BSN: variants seen among roughly 807,000 people sequenced by gnomAD.
BSN encodes the protein protein bassoon.
BSN carries 57 observed loss-of-function variants against 264.8 expected under a neutral mutation model. That is an observed-to-expected ratio of 0.22 (90% CI 0.17 to 0.27). The LOEUF is 0.27. Ranked by LOEUF, BSN falls within the 10% of genes least tolerant of loss-of-function variation. The pLI is 1.00. For synonymous variants in BSN, 2,059 were observed against 2,137.3 expected (o/e 0.96, Z 1.01); for missense variants, 4,615 against 5,232.5 (o/e 0.88, Z 3.64).
At chr3:49,608,606 G>A (rs1444179684) in intron 1 of BSN, among the ~76,000 whole-genome samples, 1 of 151,864 alleles carries the variant, frequency 6.6e-6, no homozygotes, top group Non-Finnish European at 1.5e-5. Flanking sequence ...GAGGTGGGTG[G>A]ATCACGAGGT....
intron 1 of BSN, among the ~76,000 whole-genome samples, chr3:49,616,050 T>C (rs549428500): frequency 6.6e-6 from 1 of 152,296 alleles, no homozygotes; most frequent in South Asian, 2.1e-4. Flanking sequence ...TTATAAAAAA[T>C]ATGCATTTAT....
chr3:49,661,177 C>G lies in BSN; in HGVS notation c.9332C>G (p.Ala3111Gly). 6.2e-7 allele frequency: 1 copy of G among 1,613,584 alleles called. No homozygotes were observed. The highest frequency in any genetic ancestry group is 1.1e-5 in the South Asian group (1 of 91,082). ...PAEPGLPNQQ[A>G]FRPTGHYAGQ... ...GAGCCTGGCCTGCCAAACCAGCAGG[C>G]TTTCCGCCCCACAGGCCACTATGCA... is the stretch of plus-strand genomic sequence containing the variant. The change falls in exon 6 of 12, where the codon GCT becomes GGT. Residue 3111 changes from alanine to glycine, a missense_variant. Ala to Gly is a moderately conservative substitution (Grantham distance 60, BLOSUM62 0). Transcript: ENST00000296452.
In BSN at chr3:49,642,886, G is replaced by T. The variant is rs1339737917; in HGVS notation, c.1252G>T (p.Ala418Ser). ...PAPGAKTEPG[A>S]RMGPGSGPGA... ...ACCTGGAGCCAAAACTGAGCCTGGG[G>T]CTAGAATGGGTCCTGGATCTGGACC... Residue 418 changes from alanine to serine, a missense_variant, in exon 3 of 12, where the codon GCT (alanine) becomes TCT (serine). Transcript: ENST00000296452. The surrounding 1 kb of genome is among the most constrained non-coding windows in gnomAD (Gnocchi z 7.0). The T allele has an allele frequency of 2.5e-6, 4 of 1,613,752 alleles. No individual in the cohort carries two copies. The highest frequency in any genetic ancestry group is 3.4e-6 in the Non-Finnish European group (4 of 1,180,018).
chr3:49,658,512 T>A (rs1269420271), intron 5 of BSN, among the ~76,000 whole-genome samples: 1 of 152,186 alleles, frequency 6.6e-6, no homozygotes, highest in Non-Finnish European at 1.5e-5. Flanking sequence ...TACCTCCCCC[T>A]TTAGGCCTCT....
chr3:49,646,709 C>G (rs2052505427), intron 3 of BSN, among the ~76,000 whole-genome samples: 1 of 152,202 alleles, frequency 6.6e-6, no homozygotes, highest in Non-Finnish European at 1.5e-5. Flanking sequence ...CCATGAGCCC[C>G]TATCTGGGTG....
intron 10 of BSN, 76 bp from the exon 11 acceptor site, chr3:49,665,153 A>G: frequency 3.3e-6 from 1 of 306,480 alleles, no homozygotes; most frequent in Non-Finnish European, 6.0e-6. Context: ...CTCTCACAGC[A>G]CTGGGCTGGC....
In BSN at chr3:49,638,587, C is replaced by T. The variant is rs547984232; in HGVS notation, c.634-3681C>T. 1.3e-5 allele frequency among the ~76,000 whole-genome samples: 2 copies of T among 152,276 alleles called. No individual in the cohort carries two copies. The highest frequency in any genetic ancestry group is 4.1e-4 in the South Asian group (2 of 4,832). On this transcript the variant is annotated intron_variant, in intron 2 of 11. Coordinates refer to ENST00000296452, the MANE Select transcript of BSN (RefSeq NM_003458.4). This position sits in a 1 kb window ranked among gnomAD's most constrained non-coding sequence, Gnocchi z 4.3. The stretch of plus-strand genomic sequence containing the variant: ...GGAGGGTGCGGTCAAGGTTCCTTAC[C>T]GTCTGGAAGAGGCTGGATAGAAATA...
intron 2 of BSN, among the ~76,000 whole-genome samples, chr3:49,630,963 C>G (rs2052380285): frequency 6.6e-6 from 1 of 152,080 alleles, no homozygotes; most frequent in African/African-American, 2.4e-5. Flanking sequence ...TTATTTTGCT[C>G]AGCCTTTGGC....
chr3:49,604,638 CT>C (rs1252384414), intron 1 of BSN, among the ~76,000 whole-genome samples: 2 of 152,046 alleles, frequency 1.3e-5, no homozygotes, highest in Non-Finnish European at 2.9e-5. Context: ...TTGCTTTCAC[CT>C]TTTGGCTAGT....
At position 49,606,326 on chromosome 3, in the gene BSN, T is replaced by TATATATAATATATATTAAAAAA. The variant is rs1559603757; in HGVS notation, c.225-18642_225-18641insATATATATTAAAAAAATATATA. Among the ~76,000 whole-genome samples the TATATATAATATATATTAAAAAA allele has an allele frequency of 3.6e-4, 17 of 46,706 alleles. 1 individual carries two copies. Among genetic ancestry groups the TATATATAATATATATTAAAAAA allele is most frequent in the African/African-American group, 9.4e-4 (17 of 18,000 alleles). The allele number at this position is 46,706 out of a possible 152,430, so 30.6% of individuals were successfully genotyped here. ...AAATATATATAATATATATTAAAAATATATATATATTTTTGGCATGACTCT... is the reference window on the plus strand; with the variant it reads ...AAATATATATAATATATATTAAAAATATATATAATATATATTAAAAAAATATATATATTTTTGGCATGACTCT... On this transcript the variant is annotated intron_variant, in intron 1 of 11. Coordinates refer to ENST00000296452, the MANE Select transcript of BSN (RefSeq NM_003458.4).
rs532459509 is a variant in BSN at position 49,660,426 on chromosome 3, C to T, written c.8641-60C>T. ...CCCAGGCCTGGGTTCTGCCACCCCA[C>T]ACCCCATCAAGTCACCACACCTTGG... On this transcript the variant is annotated intron_variant, in intron 5 of 11. Transcript: ENST00000296452. The surrounding 1 kb of genome is among the most constrained non-coding windows in gnomAD (Gnocchi z 7.1). 166 of 1,511,080 alleles carry T rather than the reference C, an allele frequency of 1.1e-4. No individual in the cohort carries two copies. In the East Asian group the frequency reaches 2.7e-3, roughly 24 times the overall value. 93.6% of individuals were successfully genotyped at this position (1,511,080 alleles called of 1,614,324 possible).
rs2051649615 is a variant in BSN, at chr3:49,554,678, G to C, written c.76G>C (p.Gly26Arg). Residue 26 changes from glycine (G) to arginine (R), a missense_variant, in exon 1 of 12, where the codon GGC becomes CGC. By Grantham distance (125) the Gly-to-Arg change is moderately radical (BLOSUM62 -2). This residue lies in a region of BSN where 1,197 missense variants were observed against 1,348.0 expected (regional missense o/e 0.89). Coordinates refer to ENST00000296452, the MANE Select transcript of BSN (RefSeq NM_003458.4). Reference sequence around the variant, plus strand: ...GCCCGGCGGCGCCGGCCCCGGCCCGGGCCCCGGCCCCGGCCCCGGCGCAGG... The same window carrying C: ...GCCCGGCGGCGCCGGCCCCGGCCCGCGCCCCGGCCCCGGCCCCGGCGCAGG... ...LPPGGAGPGP[G>R]PGPGPGAGKP... 9.7e-7 allele frequency: 1 copy of C among 1,025,700 alleles called. No individual in the cohort carries two copies. The highest frequency in any genetic ancestry group is 1.2e-6 in the Non-Finnish European group (1 of 855,650). The allele number at this position is 1,025,700 out of a possible 1,614,324, so 63.5% of individuals were successfully genotyped here. A position where few individuals can be genotyped will look rare whatever the true frequency, so the allele number is the denominator to read the frequency against.
At position 49,650,745 on chromosome 3, in the gene BSN, C is replaced by A; in HGVS notation, c.1652C>A (p.Ser551Tyr). 1.2e-6 allele frequency: 2 copies of A among 1,613,610 alleles called. No individual in the cohort carries two copies. Among genetic ancestry groups the A allele is most frequent in the Admixed American group, 1.7e-5 (1 of 59,986 alleles). The stretch of plus-strand genomic sequence containing the variant: ...GCCCCTCACCGTGCATCTGGAACAT[C>A]CCCTCTGAAGCAGAAAGGGCCACAG... ...VGAPHRASGT[S>Y]PLKQKGPQGL... is the part of the protein sequence containing the mutation. Residue 551 changes from serine (S) to tyrosine (Y), a missense_variant, in exon 4 of 12, where the codon TCC (serine) becomes TAC (tyrosine). This residue lies in a region of BSN where 1,197 missense variants were observed against 1,348.0 expected (regional missense o/e 0.89). Coordinates refer to ENST00000296452, the MANE Select transcript of BSN (RefSeq NM_003458.4).
chr3:49,556,465 G>A (rs796869558), intron 1 of BSN, among the ~76,000 whole-genome samples: 3 of 152,284 alleles, frequency 2.0e-5, no homozygotes, highest in South Asian at 4.1e-4. Context: ...TGGGTGAGGC[G>A]AACCACGGAC....
At chr3:49,562,976 C>T (rs889285317) in intron 1 of BSN, among the ~76,000 whole-genome samples, 1 of 152,130 alleles carries the variant, frequency 6.6e-6, no homozygotes, top group African/African-American at 2.4e-5. Context: ...CTCCACAGTC[C>T]CTTCCAGCTC....
rs774996926 is a variant in BSN at position 49,657,492 on chromosome 3, G to T, written c.7936G>T (p.Asp2646Tyr). 4.3e-6 allele frequency: 7 copies of T among 1,613,078 alleles called. No individual in the cohort carries two copies. Among genetic ancestry groups the T allele is most frequent in the Non-Finnish European group, 5.1e-6 (6 of 1,179,998 alleles). The change falls in exon 5 of 12, where the codon GAT (aspartate) becomes TAT (tyrosine). Residue 2646 changes from aspartate to tyrosine, a missense_variant. Asp to Tyr is a radical substitution (Grantham distance 160, BLOSUM62 -3). Transcript: ENST00000296452. ...HSDSGSDSKHDATASSSSAAA... is the reference protein window; with the variant it reads ...HSDSGSDSKHYATASSSSAAA... ...AGACTCAGGCTCTGACAGCAAGCAC[G>T]ATGCCACTGCCTCATCATCCAGTGC...
Position 49,657,643 on chromosome 3 carries a change from C to T in BSN, c.8087C>T (p.Pro2696Leu), listed in dbSNP as rs757235486. Residue 2696 changes from proline (P) to leucine (L), a missense_variant, in exon 5 of 12, where the codon CCC becomes CTC. Physicochemically the swap from Pro to Leu is moderately conservative, Grantham distance 98 (BLOSUM62 -3). This residue lies in a region of BSN where 3,415 missense variants were observed against 3,866.4 expected (regional missense o/e 0.88). Transcript: ENST00000296452. ...ATCCACATCACAGCTGCCACCGATCCCAAGGTGGAGATCGTCAGGTACATA... is the reference window on the plus strand; with the variant it reads ...ATCCACATCACAGCTGCCACCGATCTCAAGGTGGAGATCGTCAGGTACATA... The part of the protein sequence containing the change: ...PAIHITAATD[P>L]KVEIVRYISA... 3.8e-5 allele frequency: 60 copies of T among 1,594,534 alleles called. No individual in the cohort carries two copies. The South Asian group carries it at 4.9e-4, about 13-fold the overall frequency.
At chr3:49,577,541 T>C (rs12491621) in intron 1 of BSN, among the ~76,000 whole-genome samples, 3,957 of 70,130 alleles carry the variant, frequency 0.056, 126 homozygotes, top group African/African-American at 0.11. Flanking sequence ...TTCTTTTCTT[T>C]CTTTTTTTTT....
chr3:49,606,932 A>G (rs1182129321), intron 1 of BSN, among the ~76,000 whole-genome samples: 1 of 152,124 alleles, frequency 6.6e-6, no homozygotes, highest in African/African-American at 2.4e-5. Context: ...CCTGGCCAAC[A>G]TGGTGAAACC....
Sources: allele counts gnomAD v4.1 joint callset (sites outside exome capture counted in the v4.1 genomes callset), GRCh38; gene constraint gnomAD v4.1.1; regional missense constraint gnomAD v4.1.1; non-coding constraint Gnocchi (gnomAD v3.1); transcripts MANE v1.5; gene names NCBI Gene and HGNC (gene_info 2026-07-23, HGNC 2026-07-21).